PHF14: variants seen among roughly 807,000 people sequenced by gnomAD.
PHF14 encodes PHD finger protein 14.
PHF14 carries 55 observed loss-of-function variants against 117.9 expected under a neutral mutation model. The observed-to-expected ratio is 0.47, with a 90% CI of 0.38 to 0.58. The LOEUF is 0.58. Ranked by LOEUF, PHF14 falls within the 20% of genes least tolerant of loss-of-function variation. The probability of loss-of-function intolerance (pLI) is 0.00; values close to 1 mark genes in which losing one functional copy is unlikely to be tolerated. For synonymous variants in PHF14, 409 were observed against 368.6 expected, an observed-to-expected ratio of 1.11 and a Z score of -1.26; for missense variants, 978 against 1,122.2, an observed-to-expected ratio of 0.87 and a Z score of 1.84.
At chr7:11,066,555 G>GCTTTTATATTTT (rs1255730572) in intron 16 of PHF14, among the ~76,000 whole-genome samples, 1 of 152,056 alleles carries the variant, frequency 6.6e-6, no homozygotes, top group African/African-American at 2.4e-5. Context: ...TGTAGTTTTG[G>GCTTTTATATTTT]CTTTTATATT....
chr7:10,992,987 T>C lies in PHF14; in HGVS notation c.1045+2140T>C, dbSNP rs1441011967. Among the ~76,000 whole-genome samples, 4 of 152,218 alleles carry C rather than the reference T, an allele frequency of 2.6e-5. No individual in the cohort carries two copies. The East Asian group carries it at 5.8e-4, about 22-fold the overall frequency. On this transcript the variant is annotated intron_variant, in intron 4 of 17. Transcript: ENST00000634607. ...TCCTAATATGATTAGATTTGGGTTA[T>C]ATGCTTTTGGCCGGAATACCACGGA...
chr7:11,155,662 A>G (rs1236654198), intron 17 of PHF14, among the ~76,000 whole-genome samples: 3 of 152,100 alleles, frequency 2.0e-5, no homozygotes, highest in Non-Finnish European at 2.9e-5. Context: ...CTTCCATTGA[A>G]TGTGTCATAA....
At chr7:11,122,399 ATATATATATACACG>A (rs1425643189) in intron 17 of PHF14, among the ~76,000 whole-genome samples, 20 of 101,030 alleles carry the variant, frequency 2.0e-4, no homozygotes, top group Middle Eastern at 4.5e-3. Context: ...ATACACACAC[ATATATATATACACG>A]TATATATATA....
intron 4 of PHF14, among the ~76,000 whole-genome samples, chr7:10,992,057 G>A: frequency 6.6e-6 from 1 of 151,442 alleles, no homozygotes; most frequent in Non-Finnish European, 1.5e-5. Flanking sequence ...TTCTTTCATA[G>A]TTGTATTTTT....
chr7:10,995,834 A>G (rs1310519963), intron 4 of PHF14, among the ~76,000 whole-genome samples: 1 of 152,168 alleles, frequency 6.6e-6, no homozygotes, highest in African/African-American at 2.4e-5. Context: ...AGTGCCCGCC[A>G]AGCCCATGCC....
At chr7:11,020,403 C>T (rs892526767) in intron 5 of PHF14, among the ~76,000 whole-genome samples, 4 of 151,686 alleles carry the variant, frequency 2.6e-5, no homozygotes, top group Non-Finnish European at 4.4e-5. Flanking sequence ...CTGGAGAGAA[C>T]GTCTGGCTTT....
intron 16 of PHF14, chr7:11,105,638 T>C (rs1787233550): frequency 3.0e-6 from 3 of 984,636 alleles, no homozygotes; most frequent in Non-Finnish European, 3.6e-6. Context: ...ATCAGCACTT[T>C]GTAAGTTTAC....
intron 6 of PHF14, among the ~76,000 whole-genome samples, chr7:11,024,808 A>G (rs984336696): frequency 1.3e-5 from 2 of 152,206 alleles, no homozygotes; most frequent in African/African-American, 4.8e-5. Context: ...AAGGAGATTA[A>G]TGTGTTTTCC....
chr7:10,991,767 T>A (rs1782462074), intron 4 of PHF14, among the ~76,000 whole-genome samples: 1 of 145,572 alleles, frequency 6.9e-6, no homozygotes, highest in Non-Finnish European at 1.5e-5. Flanking sequence ...TAATTTTTTT[T>A]TTTTTTTTTT....
chr7:11,121,861 T>C (rs980667783), intron 17 of PHF14, among the ~76,000 whole-genome samples: 1 of 152,032 alleles, frequency 6.6e-6, no homozygotes, highest in Non-Finnish European at 1.5e-5. Flanking sequence ...GGAATTTTTT[T>C]TTTTCTATAA....
chr7:11,154,416 G>T (rs1033105614), intron 17 of PHF14, among the ~76,000 whole-genome samples: 1 of 152,108 alleles, frequency 6.6e-6, no homozygotes, highest in Non-Finnish European at 1.5e-5. Context: ...AGATAAAAAT[G>T]CTTTGTATTT....
intron 17 of PHF14, among the ~76,000 whole-genome samples, chr7:11,148,786 GT>G (rs1463256908): frequency 6.6e-6 from 1 of 152,078 alleles, no homozygotes; most frequent in Non-Finnish European, 1.5e-5. Context: ...AAGCAAAAAT[GT>G]TTATTTCAAT....
At chr7:11,098,436 C>G (rs73679299) in intron 16 of PHF14, among the ~76,000 whole-genome samples, 2,157 of 152,232 alleles carry the variant, frequency 0.014, 44 homozygotes, top group African/African-American at 0.049. Flanking sequence ...GATTATCTCT[C>G]CCTTGGATCC....
intron 3 of PHF14, among the ~76,000 whole-genome samples, chr7:10,987,385 T>TA (rs879918901): frequency 1.6e-4 from 25 of 152,102 alleles, no homozygotes; most frequent in Non-Finnish European, 3.4e-4. Context: ...TTAGATAAAA[T>TA]TTAGCCTATT....
chr7:11,115,608 T>C (rs1383496794), intron 17 of PHF14, among the ~76,000 whole-genome samples: 2 of 152,006 alleles, frequency 1.3e-5, no homozygotes, highest in African/African-American at 4.8e-5. Flanking sequence ...CAAAATAAAA[T>C]CAGCCAGATC....
intron 16 of PHF14, among the ~76,000 whole-genome samples, chr7:11,070,843 A>G (rs1384537862): frequency 6.6e-6 from 1 of 152,226 alleles, no homozygotes; most frequent in South Asian, 2.1e-4. Context: ...TTACTGATAC[A>G]CTGCCATATC....
chr7:11,014,523 G>T (rs1783458012), intron 5 of PHF14, among the ~76,000 whole-genome samples: 1 of 152,114 alleles, frequency 6.6e-6, no homozygotes, highest in African/African-American at 2.4e-5. Context: ...TCTGTGTTGA[G>T]AGGGCCATGG....
At chr7:11,164,409 A>T (rs1789141317) in intron 17 of PHF14, among the ~76,000 whole-genome samples, 1 of 152,208 alleles carries the variant, frequency 6.6e-6, no homozygotes, top group Admixed American at 6.5e-5. Flanking sequence ...AATAAAAATC[A>T]ATAATATCAA....
At chr7:11,118,244 A>T (rs1787654319) in intron 17 of PHF14, among the ~76,000 whole-genome samples, 1 of 151,870 alleles carries the variant, frequency 6.6e-6, no homozygotes, top group African/African-American at 2.4e-5. Context: ...GTATGTGGTT[A>T]TCCTCAAAGA....
Sources: allele counts gnomAD v4.1 joint callset (sites outside exome capture counted in the v4.1 genomes callset), GRCh38; gene constraint gnomAD v4.1.1; transcripts MANE v1.5; gene names NCBI Gene and HGNC (gene_info 2026-07-23, HGNC 2026-07-21).